The following RP2 variants were observed in gnomAD, a reference collection of about 807,000 sequenced individuals.
The protein encoded by RP2 is protein XRP2.
A neutral mutation model predicts 20.3 loss-of-function variants in RP2; 3 were observed. The ratio of observed to expected loss-of-function variants is 0.15; its 90% CI spans 0.07 to 0.38. The LOEUF is 0.38. Among genes scored for constraint, RP2 ranks in the 10% least tolerant of loss-of-function variants. RP2 has a pLI of 1.00. For synonymous variants in RP2, 75 were observed against 94.8 expected, an observed-to-expected ratio of 0.79 and a Z score of 1.22; for missense variants, 233 against 268.5, an observed-to-expected ratio of 0.87 and a Z score of 0.92.
intron 1 of RP2, among the ~76,000 whole-genome samples, chrX:46,845,359 T>C (rs782089401): frequency 1.8e-5 from 2 of 112,600 alleles, no homozygotes; most frequent in African/African-American, 6.4e-5. Context: ...AATGTTTTCA[T>C]TTGTGAAATA....
intron 1 of RP2, among the ~76,000 whole-genome samples, chrX:46,844,643 G>T: frequency 9.0e-6 from 1 of 111,151 alleles, no homozygotes. Flanking sequence ...AAACATACAT[G>T]TGCATGTGTC....
At chrX:46,878,456 G>A (rs1372186047) in intron 4 of RP2, among the ~76,000 whole-genome samples, 1 of 110,555 alleles carries the variant, frequency 9.0e-6, no homozygotes, top group Non-Finnish European at 1.9e-5. Context: ...AAGAATTGCA[G>A]ACATAAATAA....
intron 1 of RP2, among the ~76,000 whole-genome samples, chrX:46,845,364 G>A (rs1256560564): frequency 4.5e-5 from 5 of 112,304 alleles, no homozygotes; most frequent in African/African-American, 1.6e-4. Context: ...TTTCATTTGT[G>A]AAATAACCTC....
Position 46,860,056 on chromosome X carries a change from G to T in RP2, c.837G>T (p.Arg279Ser). Residue 279 changes from arginine (R) to serine (S), a missense_variant, in exon 3 of 5, where the codon AGG (arginine) becomes AGT (serine). By Grantham distance (110) the Arg-to-Ser change is moderately radical. Transcript: ENST00000218340. ...EVSMKAEDAQ[R>S]VFREKAPDFL... ...CCATGAAAGCTGAGGATGCTCAAAG[G>T]GTTTTTCGGGAAAAAGCACCTGACT... 7.4e-6 allele frequency: 9 copies of T among 1,209,854 alleles called. No homozygotes were observed. The highest frequency in any genetic ancestry group is 1.0e-5 in the Non-Finnish European group (9 of 894,007).
intron 1 of RP2, among the ~76,000 whole-genome samples, chrX:46,848,691 T>C (rs1198380477): frequency 1.8e-5 from 2 of 109,534 alleles, no homozygotes; most frequent in Non-Finnish European, 3.8e-5. Context: ...GCCACTTTCC[T>C]TGATTTTTTA....
At chrX:46,838,492 A>T (rs1252104200) in intron 1 of RP2, among the ~76,000 whole-genome samples, 1 of 112,937 alleles carries the variant, frequency 8.9e-6, no homozygotes, top group Non-Finnish European at 1.9e-5. Context: ...TGTTTTCCTC[A>T]GCCTTTGGCT....
intron 3 of RP2, 98 bp downstream of exon 3, chrX:46,860,200 T>C: frequency 1.7e-6 from 1 of 590,315 alleles, no homozygotes; most frequent in South Asian, 2.5e-5. Context: ...TTGCCTTCTC[T>C]TTCTCATTTG....
In RP2 at chrX:46,880,595, T is replaced by C. The variant is rs1318652914; in HGVS notation, c.*826T>C. ...TAGCTCTTGTGGGCTATCAAGAGAA[T>C]TGGAACAAAACCTTGTGACTTTTAG... is the stretch of plus-strand genomic sequence containing the variant. On this transcript the variant is annotated 3_prime_UTR_variant, in exon 5 of 5. Transcript: ENST00000218340. 9.0e-6 allele frequency: 1 copy of C among 111,685 alleles called. No homozygotes were observed. The highest frequency in any genetic ancestry group is 3.2e-5 in the African/African-American group (1 of 30,782). The allele number at this position is 111,685 out of a possible 1,213,427, so 9.2% of individuals were successfully genotyped here.
rs1346406616 is a variant in RP2 at position 46,853,460 on chromosome X, T to A, written c.103-16T>A. The A allele has an allele frequency of 1.7e-6, 2 of 1,200,809 alleles. No homozygotes were observed. The highest frequency in any genetic ancestry group is 3.5e-5 in the African/African-American group (2 of 56,998). On this transcript the variant is annotated splice_polypyrimidine_tract_variant and intron_variant, in intron 1 of 4. Transcript: ENST00000218340. ...TAATGTTAATAATACTCAAGGTCTG[T>A]GTTTTGTTCCTGCAGGTTGATCCAA... is the stretch of plus-strand genomic sequence containing the variant.
At chrX:46,852,731 C>T (rs1317812063) in intron 1 of RP2, among the ~76,000 whole-genome samples, 2 of 110,198 alleles carry the variant, frequency 1.8e-5, no homozygotes, top group East Asian at 2.8e-4. Context: ...TACAGACATG[C>T]GCCACCACGC....
chrX:46,848,186 A>T (rs1344303166), intron 1 of RP2, among the ~76,000 whole-genome samples: 2 of 108,925 alleles, frequency 1.8e-5, no homozygotes, highest in African/African-American at 6.7e-5. Flanking sequence ...AACAAATCCC[A>T]TTATTTTATC....
At chrX:46,847,742 A>G (rs1317592565) in intron 1 of RP2, among the ~76,000 whole-genome samples, 1 of 85,346 alleles carries the variant, frequency 1.2e-5, no homozygotes, top group Non-Finnish European at 2.2e-5. Flanking sequence ...ATATACACAC[A>G]TATGTGTGTG....
intron 3 of RP2, among the ~76,000 whole-genome samples, chrX:46,865,726 G>A (rs1925158921): frequency 9.0e-6 from 1 of 111,413 alleles, no homozygotes; most frequent in Admixed American, 9.5e-5. Flanking sequence ...TCAAGAGATC[G>A]AGACCATCCT....
intron 3 of RP2, among the ~76,000 whole-genome samples, chrX:46,868,535 A>G (rs1399461732): frequency 3.6e-5 from 4 of 110,492 alleles, no homozygotes; most frequent in Non-Finnish European, 5.7e-5. Flanking sequence ...CTGTAATCCC[A>G]GCACTTTAGG....
At chrX:46,861,971 G>C (rs1385138025) in intron 3 of RP2, among the ~76,000 whole-genome samples, 2 of 112,561 alleles carry the variant, frequency 1.8e-5, no homozygotes, top group Non-Finnish European at 3.7e-5. Flanking sequence ...AAAAAATGCA[G>C]AAGGAATGCT....
chrX:46,878,012 G>A (rs1024399177), intron 4 of RP2, among the ~76,000 whole-genome samples: 2 of 110,127 alleles, frequency 1.8e-5, no homozygotes, highest in African/African-American at 3.3e-5. Context: ...TCATTTTTAC[G>A]CCCAGGGTTC....
intron 4 of RP2, among the ~76,000 whole-genome samples, chrX:46,878,465 A>T: frequency 8.9e-6 from 1 of 111,781 alleles, no homozygotes; most frequent in Non-Finnish European, 1.9e-5. Flanking sequence ...AGACATAAAT[A>T]AATTTAAAAC....
At chrX:46,872,454 C>T (rs1925308144) in intron 3 of RP2, among the ~76,000 whole-genome samples, 1 of 111,402 alleles carries the variant, frequency 9.0e-6, no homozygotes, top group Non-Finnish European at 1.9e-5. Flanking sequence ...TTTTGTAATT[C>T]CACTTAATCT....
intron 3 of RP2, among the ~76,000 whole-genome samples, chrX:46,863,214 G>C (rs1925108531): frequency 9.0e-6 from 1 of 111,661 alleles, no homozygotes; most frequent in African/African-American, 3.3e-5. Context: ...TAATAATGGT[G>C]GTGTGGTTAT....
Sources: allele counts gnomAD v4.1 joint callset (sites outside exome capture counted in the v4.1 genomes callset), GRCh38; gene constraint gnomAD v4.1.1; transcripts MANE v1.5; gene names NCBI Gene and HGNC (gene_info 2026-07-23, HGNC 2026-07-21).